The following PCDH15 variants were observed in gnomAD, a reference collection of about 807,000 sequenced individuals.
PCDH15 encodes the protein protocadherin related 15.
A neutral mutation model predicts 178.5 loss-of-function variants in PCDH15; 129 were observed. The ratio of observed to expected loss-of-function variants is 0.72; its 90% CI spans 0.63 to 0.84. PCDH15 has a LOEUF of 0.84. Among genes scored for constraint, PCDH15 ranks in the 40% least tolerant of loss-of-function variants. The pLI is 0.00. For synonymous variants in PCDH15, 800 were observed against 732.0 expected, an observed-to-expected ratio of 1.09 and a Z score of -1.50; for missense variants, 2,230 against 2,099.9, an observed-to-expected ratio of 1.06 and a Z score of -1.21.
At chr10:54,650,088 A>T (rs2135171916) in intron 2 of PCDH15, among the ~76,000 whole-genome samples, 1 of 152,340 alleles carries the variant, frequency 6.6e-6, no homozygotes, top group Admixed American at 6.5e-5. Context: ...CATATTATAA[A>T]GGGAAAGATG....
chr10:55,042,028 A>G (rs1314377974), intron 2 of PCDH15, among the ~76,000 whole-genome samples: 3 of 152,116 alleles, frequency 2.0e-5, no homozygotes, highest in Non-Finnish European at 4.4e-5. Context: ...TCACTCTACC[A>G]TAAGGCTTAT....
intron 20 of PCDH15, among the ~76,000 whole-genome samples, chr10:54,017,853 G>C (rs1275793464): frequency 6.6e-6 from 1 of 152,054 alleles, no homozygotes; most frequent in Non-Finnish European, 1.5e-5. Context: ...ATACTTCCGT[G>C]TTTCACTGTG....
intron 3 of PCDH15, among the ~76,000 whole-genome samples, chr10:54,388,885 T>C (rs188661960): frequency 1.6e-4 from 24 of 152,310 alleles, no homozygotes; most frequent in African/African-American, 5.5e-4. Flanking sequence ...GTGGGTTTAA[T>C]GCCACTGGTC....
At chr10:55,547,978 C>T (rs1045157865) in intron 2 of PCDH15, among the ~76,000 whole-genome samples, 3 of 135,874 alleles carry the variant, frequency 2.2e-5, no homozygotes, top group Non-Finnish European at 4.8e-5. Context: ...AGAGAGCTGA[C>T]GAGGCCTAGA....
intron 18 of PCDH15, among the ~76,000 whole-genome samples, chr10:54,052,339 C>G (rs1328433403): frequency 6.6e-6 from 1 of 152,202 alleles, no homozygotes; most frequent in East Asian, 1.9e-4. Flanking sequence ...CCCGCCAAAA[C>G]CAAAGGGTTG....
chr10:55,529,778 T>TA (rs1841405590), intron 2 of PCDH15, among the ~76,000 whole-genome samples: 2 of 138,314 alleles, frequency 1.4e-5, no homozygotes, highest in Non-Finnish European at 1.6e-5. Context: ...TATATATATA[T>TA]TTGATTACCA....
chr10:55,075,467 G>C (rs2132018849), intron 2 of PCDH15, among the ~76,000 whole-genome samples: 1 of 150,564 alleles, frequency 6.6e-6, no homozygotes, highest in African/African-American at 2.4e-5. Context: ...CCGGGTTCAA[G>C]CGATTCCCCA....
At chr10:54,461,897 G>A (rs144769141) in intron 3 of PCDH15, among the ~76,000 whole-genome samples, 3 of 151,436 alleles carry the variant, frequency 2.0e-5, no homozygotes, top group Admixed American at 6.6e-5. Flanking sequence ...AAGTTATTAG[G>A]GTAAGAACTT....
At chr10:54,115,993 G>C (rs1240260269) in intron 15 of PCDH15, among the ~76,000 whole-genome samples, 1 of 152,112 alleles carries the variant, frequency 6.6e-6, no homozygotes, top group Non-Finnish European at 1.5e-5. Flanking sequence ...GAAAAGAAGA[G>C]GTTAAAGTTG....
chr10:54,153,357 T>C (rs1036098065), intron 13 of PCDH15, 64 bp from the exon 14 acceptor site: 2 of 1,559,128 alleles, frequency 1.3e-6, no homozygotes, highest in Admixed American at 1.7e-5. Context: ...ATGTCGTTTT[T>C]TCCCCCAACA....
intron 14 of PCDH15, among the ~76,000 whole-genome samples, chr10:54,139,350 T>A (rs1590733334): frequency 6.6e-6 from 1 of 152,216 alleles, no homozygotes; most frequent in African/African-American, 2.4e-5. Context: ...AATGATGGTG[T>A]CTAATATTTC....
At chr10:54,729,972 C>T (rs552606528) in intron 1 of PCDH15, among the ~76,000 whole-genome samples, 9 of 151,546 alleles carry the variant, frequency 5.9e-5, no homozygotes, top group South Asian at 4.2e-4. Flanking sequence ...TGTTCGGCCA[C>T]TGTGGAAATC....
intron 2 of PCDH15, among the ~76,000 whole-genome samples, chr10:55,040,925 A>C (rs1420510380): frequency 6.6e-6 from 1 of 152,100 alleles, no homozygotes; most frequent in Non-Finnish European, 1.5e-5. Flanking sequence ...TTATATAAAT[A>C]ATTTGAAATA....
At chr10:54,977,637 C>T (rs1286417284) in intron 2 of PCDH15, among the ~76,000 whole-genome samples, 2 of 152,080 alleles carry the variant, frequency 1.3e-5, no homozygotes, top group African/African-American at 2.4e-5. Context: ...AATAAGCAGC[C>T]CTTAGGGCTT....
intron 2 of PCDH15, among the ~76,000 whole-genome samples, chr10:55,137,259 G>T (rs139358682): frequency 2.0e-5 from 3 of 151,996 alleles, no homozygotes; most frequent in Non-Finnish European, 4.4e-5. Context: ...TGCCATATTT[G>T]CCATATTTTT....
At chr10:55,567,177 G>A (rs1392916826) in intron 2 of PCDH15, among the ~76,000 whole-genome samples, 1 of 151,772 alleles carries the variant, frequency 6.6e-6, no homozygotes, top group Non-Finnish European at 1.5e-5. Context: ...TATTCAATGG[G>A]GAAAAGGCAG....
intron 2 of PCDH15, among the ~76,000 whole-genome samples, chr10:54,901,993 T>C (rs1053371032): frequency 1.4e-5 from 1 of 69,146 alleles, no homozygotes; most frequent in African/African-American, 6.5e-5. Flanking sequence ...TATTGATACA[T>C]TCCATTCAAA....
chr10:54,319,010 A>G (rs1434834136), intron 7 of PCDH15, among the ~76,000 whole-genome samples: 1 of 152,174 alleles, frequency 6.6e-6, no homozygotes, highest in Non-Finnish European at 1.5e-5. Context: ...TATTTATCTG[A>G]AGAATGTTTG....
At chr10:54,931,853 A>G (rs1837786237) in intron 2 of PCDH15, among the ~76,000 whole-genome samples, 1 of 152,122 alleles carries the variant, frequency 6.6e-6, no homozygotes, top group Admixed American at 6.6e-5. Context: ...TATTTCAGAG[A>G]GGCTTAGTGC....
Sources: allele counts gnomAD v4.1 joint callset (sites outside exome capture counted in the v4.1 genomes callset), GRCh38; gene constraint gnomAD v4.1.1; transcripts MANE v1.5; gene names NCBI Gene and HGNC (gene_info 2026-07-23, HGNC 2026-07-21).